EEPD1: variants seen among roughly 807,000 people sequenced by gnomAD.
EEPD1 encodes the protein endonuclease/exonuclease/phosphatase family domain containing 1, also known as endonuclease/exonuclease/phosphatase family domain-containing protein 1.
Under a neutral mutation model 46.3 loss-of-function variants are expected in EEPD1, and 17 were observed. The observed-to-expected ratio is 0.37, with a 90% CI of 0.25 to 0.55. The LOEUF is 0.55. EEPD1 is among the 20% of genes least tolerant of loss of function. The pLI, the probability that EEPD1 is intolerant of heterozygous loss-of-function variation, is 0.83. For synonymous variants in EEPD1, 313 were observed against 315.6 expected (o/e 0.99, Z 0.09); for missense variants, 673 against 745.6 (o/e 0.90, Z 1.13).
chr7:36,273,630 T>A (rs1392810715), intron 3 of EEPD1, among the ~76,000 whole-genome samples: 1 of 152,114 alleles, frequency 6.6e-6, no homozygotes, highest in Admixed American at 6.5e-5. Context: ...CCTCTCTCAG[T>A]TGTATGCTAG....
chr7:36,219,806 A>AGTGTGTGTGTGTGTGT lies in EEPD1; in HGVS notation c.879-19160_879-19145dup, dbSNP rs70977121. On this transcript the variant is annotated intron_variant, in intron 2 of 7. Coordinates refer to ENST00000242108, the MANE Select transcript of EEPD1 (RefSeq NM_030636.3). ...GAGAGAGAGAGAGAGAGAGAGAGAG[A>AGTGTGTGTGTGTGTGT]GTGTGTGTGTGTGTGTGTGTGTGTG... Among the ~76,000 whole-genome samples the AGTGTGTGTGTGTGTGT allele has an allele frequency of 2.4e-3, 181 of 75,406 alleles. 1 individual carries two copies. Among genetic ancestry groups the AGTGTGTGTGTGTGTGT allele is most frequent in the Non-Finnish European group, 2.6e-3 (97 of 37,748 alleles). The allele number at this position is 75,406 out of a possible 152,430, so 49.5% of individuals were successfully genotyped here.
At chr7:36,226,503 A>C (rs115330872) in intron 2 of EEPD1, among the ~76,000 whole-genome samples, 2,439 of 152,302 alleles carry the variant, frequency 0.016, 61 homozygotes, top group African/African-American at 0.056. Context: ...GAAAAACTTA[A>C]AGTGAACACT....
intron 2 of EEPD1, among the ~76,000 whole-genome samples, chr7:36,158,874 G>T (rs1263371685): frequency 3.3e-5 from 5 of 152,162 alleles, no homozygotes; most frequent in Admixed American, 3.3e-4. Flanking sequence ...TAAACCCTAA[G>T]GGAGCTGAAA....
At chr7:36,220,020 TA>T (rs2115743647) in intron 2 of EEPD1, among the ~76,000 whole-genome samples, 1 of 152,078 alleles carries the variant, frequency 6.6e-6, no homozygotes, top group South Asian at 2.1e-4. Flanking sequence ...AAAATGGAAG[TA>T]CAGAAGGGAA....
intron 3 of EEPD1, among the ~76,000 whole-genome samples, chr7:36,268,032 G>A (rs917736822): frequency 1.3e-5 from 2 of 152,220 alleles, no homozygotes; most frequent in African/African-American, 2.4e-5. Flanking sequence ...TTCCAGAACT[G>A]TGAGAAGTAA....
intron 3 of EEPD1, among the ~76,000 whole-genome samples, chr7:36,249,500 C>G (rs937414952): frequency 5.3e-5 from 8 of 151,986 alleles, no homozygotes; most frequent in Non-Finnish European, 4.4e-5. Context: ...AAGTGGGAGG[C>G]AGTTCAGTGC....
chr7:36,220,789 G>A (rs1786131444), intron 2 of EEPD1, among the ~76,000 whole-genome samples: 2 of 152,142 alleles, frequency 1.3e-5, no homozygotes, highest in Admixed American at 6.5e-5. Flanking sequence ...ACTGAATTCG[G>A]TTTTTGTTTT....
intron 3 of EEPD1, among the ~76,000 whole-genome samples, chr7:36,270,640 C>G (rs1421371688): frequency 6.6e-6 from 1 of 152,288 alleles, no homozygotes; most frequent in East Asian, 1.9e-4. Context: ...ATGAACTCAT[C>G]CTTTTTTATG....
chr7:36,264,661 C>G (rs1337849923), intron 3 of EEPD1, among the ~76,000 whole-genome samples: 1 of 152,068 alleles, frequency 6.6e-6, no homozygotes, highest in African/African-American at 2.4e-5. Flanking sequence ...TGCTTTTGGC[C>G]CACAGTGCCC....
At chr7:36,209,318 A>G (rs991502778) in intron 2 of EEPD1, among the ~76,000 whole-genome samples, 4 of 152,138 alleles carry the variant, frequency 2.6e-5, no homozygotes, top group Non-Finnish European at 5.9e-5. Context: ...CAAAAACAAA[A>G]AAAGTAGGTT....
intron 3 of EEPD1, among the ~76,000 whole-genome samples, chr7:36,277,895 G>T (rs1463341174): frequency 6.6e-6 from 1 of 152,180 alleles, no homozygotes; most frequent in African/African-American, 2.4e-5. Context: ...GAATAAAGAT[G>T]GCCCTTAAGG....
intron 2 of EEPD1, among the ~76,000 whole-genome samples, chr7:36,233,898 T>G (rs900548831): frequency 6.6e-6 from 1 of 152,158 alleles, no homozygotes; most frequent in African/African-American, 2.4e-5. Flanking sequence ...TTTTGTTTTT[T>G]GGTGGGTTTT....
In EEPD1 at chr7:36,202,594, A is replaced by G. The variant is rs908738429; in HGVS notation, c.879-36391A>G. 7.9e-5 allele frequency among the ~76,000 whole-genome samples: 12 copies of G among 152,196 alleles called. No individual in the cohort carries two copies. The East Asian group carries it at 2.3e-3, about 29-fold the overall frequency. ...TTTAAATGATAAGAGGCTTGTGGCA[A>G]GACTGAATAATTCTCAGCTTGATTC... On this transcript the variant is annotated intron_variant, in intron 2 of 7. Coordinates refer to ENST00000242108, the MANE Select transcript of EEPD1 (RefSeq NM_030636.3).
chr7:36,177,599 A>AT (rs1189040393), intron 2 of EEPD1, among the ~76,000 whole-genome samples: 2 of 151,948 alleles, frequency 1.3e-5, no homozygotes, highest in African/African-American at 2.4e-5. Context: ...ACATGATTTC[A>AT]TTTTTTTTAT....
chr7:36,287,061 G>A (rs1412467201), intron 5 of EEPD1, among the ~76,000 whole-genome samples: 1 of 151,734 alleles, frequency 6.6e-6, no homozygotes, highest in Non-Finnish European at 1.5e-5. Context: ...GGACAACATG[G>A]TGAAGTCTCT....
At chr7:36,275,325 A>T (rs1787166041) in intron 3 of EEPD1, among the ~76,000 whole-genome samples, 1 of 152,224 alleles carries the variant, frequency 6.6e-6, no homozygotes, top group African/African-American at 2.4e-5. Context: ...TAAATTGCTC[A>T]CAGAGTCCCA....
intron 2 of EEPD1, among the ~76,000 whole-genome samples, chr7:36,161,058 G>A (rs1784895738): frequency 6.6e-6 from 1 of 152,138 alleles, no homozygotes; most frequent in South Asian, 2.1e-4. Context: ...GCCATGGTCT[G>A]CCCTCAGCAG....
rs550258461 is a variant in EEPD1 at position 36,278,866 on chromosome 7, G to A, written c.931-2249G>A. On this transcript the variant is annotated intron_variant, in intron 3 of 7. Transcript: ENST00000242108. ...TCCAGGGTAAAACCCCACCCTCTCC[G>A]CCTTCCCCACTCCCTCGCCCCTGTC... Among the ~76,000 whole-genome samples the A allele has an allele frequency of 1.2e-4, 18 of 152,156 alleles. No homozygotes were observed. The South Asian group carries it at 1.2e-3, about 11-fold the overall frequency.
chr7:36,292,138 G>A (rs1189418216), intron 6 of EEPD1, among the ~76,000 whole-genome samples: 2 of 152,142 alleles, frequency 1.3e-5, no homozygotes, highest in Non-Finnish European at 2.9e-5. Flanking sequence ...GGGGGCCCAC[G>A]CTACATGTGA....
Sources: allele counts gnomAD v4.1 joint callset (sites outside exome capture counted in the v4.1 genomes callset), GRCh38; gene constraint gnomAD v4.1.1; transcripts MANE v1.5; gene names NCBI Gene and HGNC (gene_info 2026-07-23, HGNC 2026-07-21).